Variants in PLIN5 observed in about 807,000 individuals in gnomAD.
PLIN5 encodes perilipin-5.
PLIN5 carries 34 observed loss-of-function variants against 32.8 expected under a neutral mutation model. The observed-to-expected ratio is 1.04, with a 90% CI of 0.79 to 1.38. The LOEUF (loss-of-function observed/expected upper bound fraction) is 1.38. PLIN5 is among the 40% of genes most tolerant of loss of function. The pLI is 0.00. For synonymous variants in PLIN5, 309 were observed against 292.9 expected, an observed-to-expected ratio of 1.05 and a Z score of -0.56; for missense variants, 712 against 660.5, an observed-to-expected ratio of 1.08 and a Z score of -0.85.
At chr19:4,527,082 ATTTTT>A (rs575166711) in intron 5 of PLIN5, among the ~76,000 whole-genome samples, 1 of 147,344 alleles carries the variant, frequency 6.8e-6, no homozygotes, top group East Asian at 2.1e-4. Context: ...AAGAAAAAAA[ATTTTT>A]TTTTTTGAGA....
chr19:4,533,879 G>T, intron 2 of PLIN5, 136 bp downstream of exon 2: 1 of 1,043,144 alleles, frequency 9.6e-7, no homozygotes, highest in Non-Finnish European at 1.4e-6. Context: ...CCCCTCCATG[G>T]ACCAAAATAT....
intron 2 of PLIN5, chr19:4,532,358 T>G (rs994303842): frequency 3.3e-5 from 5 of 152,390 alleles, no homozygotes; most frequent in Admixed American, 2.6e-4. Flanking sequence ...TACCCGTTTT[T>G]TTTGTTTGTT....
At chr19:4,527,394 C>T (rs952281777) in intron 5 of PLIN5, among the ~76,000 whole-genome samples, 25 of 151,612 alleles carry the variant, frequency 1.6e-4, no homozygotes, top group African/African-American at 6.1e-4. Context: ...TTTAAATCAG[C>T]CAGATGTGGT....
intron 3 of PLIN5, among the ~76,000 whole-genome samples, chr19:4,530,600 G>T (rs572712863): frequency 1.3e-5 from 2 of 152,162 alleles, no homozygotes; most frequent in Non-Finnish European, 2.9e-5. Flanking sequence ...GGGGACACAG[G>T]GAGACAGATG....
In PLIN5 at chr19:4,524,432, G is replaced by A. The variant is rs1047142646; in HGVS notation, c.835-347C>T. Among the ~76,000 whole-genome samples the A allele has an allele frequency of 3.9e-5, 6 of 152,296 alleles. No individual in the cohort carries two copies. The South Asian group carries it at 8.3e-4, about 21-fold the overall frequency. ...CTGGGCGTGGTGGTGGACACCTGTA[G>A]TCCCAGCTACTTAGGAGGCTGAGAC... is the stretch of plus-strand genomic sequence containing the variant. On this transcript the variant is annotated intron_variant, in intron 7 of 7. Transcript: ENST00000381848.
chr19:4,524,166 A>T, intron 7 of PLIN5, 81 bp from the exon 8 acceptor site: 1 of 1,318,172 alleles, frequency 7.6e-7, no homozygotes, highest in African/African-American at 1.6e-5. Flanking sequence ...TGATGGACCC[A>T]CAGTGGAGCT....
intron 7 of PLIN5, 82 bp from the exon 8 acceptor site, chr19:4,524,167 C>T (rs1976770086): frequency 7.6e-7 from 1 of 1,319,592 alleles, no homozygotes; most frequent in African/African-American, 1.6e-5. Context: ...GATGGACCCA[C>T]AGTGGAGCTG....
At chr19:4,534,964 G>A (rs1568247359) in intron 1 of PLIN5, among the ~76,000 whole-genome samples, 1 of 152,164 alleles carries the variant, frequency 6.6e-6, no homozygotes, top group Non-Finnish European at 1.5e-5. Flanking sequence ...GATCCCTCCG[G>A]TTGCCACCCC....
chr19:4,530,829 C>T (rs149694368), intron 3 of PLIN5, among the ~76,000 whole-genome samples: 5 of 151,922 alleles, frequency 3.3e-5, no homozygotes, highest in Non-Finnish European at 7.4e-5. Flanking sequence ...CCCTCCACCA[C>T]GCCTGGATAA....
chr19:4,526,383 G>A (rs987629959), intron 5 of PLIN5, among the ~76,000 whole-genome samples: 28 of 152,056 alleles, frequency 1.8e-4, no homozygotes, highest in African/African-American at 6.0e-4. Flanking sequence ...CACCACACCC[G>A]ATTAAGTTTT....
chr19:4,529,614 C>T (rs757952756), intron 4 of PLIN5, 170 bp downstream of exon 4: 3,557 of 168,080 alleles, frequency 0.021, 87 homozygotes, highest in African/African-American at 0.18. Flanking sequence ...TATGTATACA[C>T]ACACACACAC....
In PLIN5 at chr19:4,529,147, T is replaced by C. The variant is rs759943070; in HGVS notation, c.446A>G (p.His149Arg). 8 of 1,613,418 alleles carry C rather than the reference T, an allele frequency of 5.0e-6. No homozygotes were observed. The highest frequency in any genetic ancestry group is 6.8e-6 in the Non-Finnish European group (8 of 1,179,988). ...WSVELKRSVS[H>R]AVDVVLEKSE... ...TTTTTCCAGTACAACATCCACAGCA[T>C]GGCTCACGGAGCGCTTCAGCTCCAC... The change falls in exon 5 of 8, where the codon CAT (histidine) becomes CGT (arginine). Residue 149 changes from histidine (H) to arginine (R), a missense_variant. Transcript: ENST00000381848.
chr19:4,525,162 C>T lies in PLIN5; in HGVS notation c.721-86G>A. On this transcript the variant is annotated intron_variant, in intron 6 of 7. Coordinates refer to ENST00000381848, the MANE Select transcript of PLIN5 (RefSeq NM_001013706.3). This position sits in a 1 kb window ranked among gnomAD's most constrained non-coding sequence, Gnocchi z 5.6. ...GTGGGGTCCAGGACCACTGATCTGG[C>T]CTCAGTAAGCATTTAGGAGACCGAG... The T allele has an allele frequency of 1.2e-6, 1 of 816,296 alleles. No homozygotes were observed. The highest frequency in any genetic ancestry group is 1.8e-6 in the Non-Finnish European group (1 of 544,990). 50.6% of individuals were successfully genotyped at this position (816,296 alleles called of 1,614,324 possible).
chr19:4,531,557 G>A (rs543337658), intron 3 of PLIN5, 70 bp downstream of exon 3: 1 of 1,416,576 alleles, frequency 7.1e-7, no homozygotes, highest in South Asian at 1.5e-5. Flanking sequence ...ATAGACCAAG[G>A]AGGATGGGAC....
chr19:4,533,862 A>T, intron 2 of PLIN5, 153 bp downstream of exon 2: 1 of 841,668 alleles, frequency 1.2e-6, no homozygotes, highest in Non-Finnish European at 1.8e-6. Context: ...ACTAGGAAAT[A>T]GACCATCCCC....
chr19:4,530,400 G>A (rs779093356), intron 3 of PLIN5, among the ~76,000 whole-genome samples: 29 of 152,314 alleles, frequency 1.9e-4, no homozygotes, highest in Non-Finnish European at 3.4e-4. Context: ...ACCCTCAGGT[G>A]ACCCTCTTCC....
At chr19:4,526,557 T>C (rs535601525) in intron 5 of PLIN5, among the ~76,000 whole-genome samples, 3 of 152,206 alleles carry the variant, frequency 2.0e-5, no homozygotes, top group Non-Finnish European at 4.4e-5. Flanking sequence ...TTTAAAAATA[T>C]AGGTTGGGTG....
In PLIN5 at chr19:4,527,933, A is replaced by G. The variant is rs1306069356; in HGVS notation, c.520+1140T>C. ...CACTGCCTTTTTTTTTTTTTGAGAT[A>G]GAGTCTCGCTCTGTCACCCAGGCTC... On this transcript the variant is annotated intron_variant, in intron 5 of 7. Transcript: ENST00000381848. Among the ~76,000 whole-genome samples the G allele has an allele frequency of 2.7e-5, 4 of 149,408 alleles. No homozygotes were observed. In the East Asian group the frequency reaches 7.9e-4, roughly 29 times the overall value.
chr19:4,529,606 T>TACACTATAC (rs1491369467), intron 4 of PLIN5, 178 bp downstream of exon 4: 4 of 400,278 alleles, frequency 1.0e-5, no homozygotes, highest in African/African-American at 7.8e-5. Flanking sequence ...TATACATATA[T>TACACTATAC]GTATACACAC....
Sources: gnomAD v4.1 joint callset for allele counts (sites outside exome capture counted in the v4.1 genomes callset) on GRCh38, gnomAD v4.1.1 for gene constraint, Gnocchi (gnomAD v3.1) non-coding constraint, MANE v1.5 for transcripts, NCBI Gene and HGNC (gene_info 2026-07-23, HGNC 2026-07-21) for gene names.